Variants in DACH2 observed in about 807,000 individuals in gnomAD.
The protein encoded by DACH2 is dachshund homolog 2.
In DACH2, 17 loss-of-function variants were observed where a neutral mutation model predicts 35.8. The ratio of observed to expected loss-of-function variants is 0.48; its 90% CI spans 0.33 to 0.71. DACH2 has a LOEUF of 0.71. Among genes scored for constraint, DACH2 ranks in the 30% least tolerant of loss-of-function variants. The pLI is 0.02. For synonymous variants in DACH2, 195 were observed against 177.3 expected (o/e 1.10, Z -0.79); for missense variants, 469 against 472.7 (o/e 0.99, Z 0.07).
chrX:86,705,134 C>A (rs2041200745), intron 5 of DACH2, among the ~76,000 whole-genome samples: 2 of 99,880 alleles, frequency 2.0e-5, no homozygotes, highest in African/African-American at 8.5e-5. Flanking sequence ...AAATTAATTG[C>A]ATCCACAGCA....
intron 3 of DACH2, among the ~76,000 whole-genome samples, chrX:86,571,549 A>G (rs769360242): frequency 3.6e-5 from 4 of 110,414 alleles, no homozygotes; most frequent in African/African-American, 1.3e-4. Flanking sequence ...AACTAACACA[A>G]GGACAAAAAA....
At chrX:86,388,258 TA>T (rs2036150454) in intron 2 of DACH2, among the ~76,000 whole-genome samples, 1 of 111,938 alleles carries the variant, frequency 8.9e-6, no homozygotes, top group African/African-American at 3.2e-5. Context: ...GGAGATCCAC[TA>T]AAGGATTTTT....
At chrX:86,278,863 G>A (rs1006012201) in intron 1 of DACH2, among the ~76,000 whole-genome samples, 2 of 111,487 alleles carry the variant, frequency 1.8e-5, no homozygotes, top group African/African-American at 6.5e-5. Context: ...GGGGAGAGGG[G>A]CGTCCGCAAT....
rs1180609959 is a variant in DACH2, at chrX:86,587,700, T to TTTATAA, written c.641-63336_641-63335insTTATAA. Reference sequence around the variant, plus strand: ...TGTCTTCCTTTGAAAAGTGTCTGTTTATGTCCTTTGCCCATTTATAAATGT... The same window carrying TTTATAA: ...TGTCTTCCTTTGAAAAGTGTCTGTTTTTATAAATGTCCTTTGCCCATTTATAAATGT... On this transcript the variant is annotated intron_variant, in intron 3 of 11. Coordinates refer to ENST00000373125, the MANE Select transcript of DACH2 (RefSeq NM_053281.3). Among the ~76,000 whole-genome samples, 6 of 111,895 alleles carry TTTATAA rather than the reference T, an allele frequency of 5.4e-5. No individual in the cohort carries two copies. In the South Asian group the frequency reaches 1.8e-3, roughly 34 times the overall value.
At chrX:86,168,838 A>G (rs1253351561) in intron 1 of DACH2, among the ~76,000 whole-genome samples, 1 of 108,751 alleles carries the variant, frequency 9.2e-6, no homozygotes, top group Non-Finnish European at 1.9e-5. Flanking sequence ...TTCTATTTAT[A>G]TTTTATTGTA....
chrX:86,217,022 C>T (rs2032587851), intron 1 of DACH2, among the ~76,000 whole-genome samples: 1 of 107,984 alleles, frequency 9.3e-6, no homozygotes, highest in Non-Finnish European at 1.9e-5. Context: ...ACCTGGAAGG[C>T]GGAGGTTGCA....
chrX:86,167,552 C>T (rs1007630645), intron 1 of DACH2, among the ~76,000 whole-genome samples: 2 of 110,345 alleles, frequency 1.8e-5, no homozygotes, highest in Admixed American at 1.9e-4. Flanking sequence ...TTATTTCTTT[C>T]CCAATTTTCA....
At chrX:86,149,652 G>A (rs930408238) in intron 1 of DACH2, among the ~76,000 whole-genome samples, 8 of 111,984 alleles carry the variant, frequency 7.1e-5, no homozygotes, top group Non-Finnish European at 1.3e-4. Context: ...AGAATGTGTG[G>A]GGTGTGTGGT....
chrX:86,675,333 G>A (rs2040813661), intron 4 of DACH2, among the ~76,000 whole-genome samples: 1 of 111,476 alleles, frequency 9.0e-6, no homozygotes, highest in African/African-American at 3.3e-5. Context: ...CATTTGAGAG[G>A]TTGGAAAATT....
intron 11 of DACH2, chrX:86,829,428 A>AT (rs2042592702): frequency 1.8e-5 from 2 of 112,562 alleles, no homozygotes; most frequent in African/African-American, 6.4e-5. Flanking sequence ...CTTTTGTTTA[A>AT]ATAAGTAGAT....
intron 2 of DACH2, among the ~76,000 whole-genome samples, chrX:86,390,136 C>T (rs915798188): frequency 1.8e-5 from 2 of 111,126 alleles, no homozygotes; most frequent in African/African-American, 3.3e-5. Context: ...GAAGCATTGT[C>T]GAGATTTTGG....
chrX:86,775,936 G>C (rs995144268), intron 7 of DACH2, among the ~76,000 whole-genome samples: 5 of 111,463 alleles, frequency 4.5e-5, no homozygotes, highest in Non-Finnish European at 9.4e-5. Context: ...TTTTAAAGAT[G>C]ATAAAACTGT....
intron 3 of DACH2, among the ~76,000 whole-genome samples, chrX:86,636,302 G>A (rs1250787522): frequency 9.0e-6 from 1 of 110,646 alleles, no homozygotes. Flanking sequence ...CCAAAAATGA[G>A]CCGGGCGTAG....
At chrX:86,308,900 G>T (rs1048752948) in intron 1 of DACH2, among the ~76,000 whole-genome samples, 1 of 110,834 alleles carries the variant, frequency 9.0e-6, no homozygotes, top group East Asian at 2.8e-4. Flanking sequence ...ACTTACAGTG[G>T]GTCCAATGAG....
At chrX:86,176,594 T>C (rs1381858936) in intron 1 of DACH2, among the ~76,000 whole-genome samples, 1 of 111,526 alleles carries the variant, frequency 9.0e-6, no homozygotes, top group Non-Finnish European at 1.9e-5. Flanking sequence ...ATTCTTAATT[T>C]CTAAAATTTA....
At chrX:86,454,504 A>C (rs1164421927) in intron 2 of DACH2, among the ~76,000 whole-genome samples, 1 of 111,536 alleles carries the variant, frequency 9.0e-6, no homozygotes, top group Non-Finnish European at 1.9e-5. Flanking sequence ...TTCTTGTCTG[A>C]CTGTCTTATT....
intron 7 of DACH2, among the ~76,000 whole-genome samples, chrX:86,778,659 GC>G (rs2042059922): frequency 9.0e-6 from 1 of 110,728 alleles, no homozygotes; most frequent in African/African-American, 3.3e-5. Context: ...CACCCAGGTG[GC>G]AGTGCAGTGG....
chrX:86,554,371 A>C (rs1375953208), intron 3 of DACH2, among the ~76,000 whole-genome samples: 2 of 111,599 alleles, frequency 1.8e-5, no homozygotes, highest in East Asian at 5.6e-4. Flanking sequence ...CAAGATTTTA[A>C]ATGGTCACTC....
chrX:86,273,461 CCTTA>C (rs765237056), intron 1 of DACH2, among the ~76,000 whole-genome samples: 63 of 111,936 alleles, frequency 5.6e-4, no homozygotes, highest in African/African-American at 2.0e-3. Flanking sequence ...TTTAGTAATG[CCTTA>C]CTTAGTCTTC....
Sources: gnomAD v4.1 joint callset for allele counts (sites outside exome capture counted in the v4.1 genomes callset) on GRCh38, gnomAD v4.1.1 for gene constraint, MANE v1.5 for transcripts, NCBI Gene and HGNC (gene_info 2026-07-23, HGNC 2026-07-21) for gene names.